ZFP36L1: variants seen among roughly 807,000 people sequenced by gnomAD.
ZFP36L1 encodes the protein mRNA decay activator protein ZFP36L1.
ZFP36L1 carries 4 observed loss-of-function variants against 16.7 expected under a neutral mutation model. That is an observed-to-expected ratio of 0.24 (90% CI 0.12 to 0.55). ZFP36L1 has a LOEUF of 0.55. Among genes scored for constraint, ZFP36L1 ranks in the 20% least tolerant of loss-of-function variants. The pLI is 0.94. For missense variants in ZFP36L1, 311 were observed against 449.2 expected, an observed-to-expected ratio of 0.69 and a Z score of 2.78; for synonymous variants, 220 against 190.8, an observed-to-expected ratio of 1.15 and a Z score of -1.26.
rs1244790000 is a variant in ZFP36L1, at chr14:68,789,324, A to C, written c.*209T>G. On this transcript the variant is annotated 3_prime_UTR_variant, in exon 2 of 2. Coordinates refer to ENST00000439696, the MANE Select transcript of ZFP36L1 (RefSeq NM_004926.4). The surrounding 1 kb of genome is among the most constrained non-coding windows in gnomAD (Gnocchi z 4.5). ...CAGGGAGGGGGTTTCAAGCCAGAAG[A>C]AGCTACTGACAAATTGACTTGTCCT... 4 of 637,442 alleles carry C rather than the reference A, an allele frequency of 6.3e-6. No individual in the cohort carries two copies. In the South Asian group the frequency reaches 7.6e-5, roughly 12 times the overall value. 39.5% of individuals were successfully genotyped at this position (637,442 alleles called of 1,614,324 possible).
chr14:68,792,771 T>C (rs547389771), intron 1 of ZFP36L1, 111 bp downstream of exon 1: 2 of 1,447,190 alleles, frequency 1.4e-6, no homozygotes, highest in Non-Finnish European at 1.9e-6. Context: ...AAAAGAATCA[T>C]CTCGCTGCAC....
At chr14:68,795,682 C>A (rs1432515416), upstream of ZFP36L1, 1 of 468,002 alleles carries the variant, frequency 2.1e-6, no homozygotes, top group Non-Finnish European at 4.4e-6. Context: ...TGCGACTGGC[C>A]TAGCCCGCTC....
In ZFP36L1 at chr14:68,788,291, G is replaced by A. The variant is rs1203414881; in HGVS notation, c.*1242C>T. On this transcript the variant is annotated 3_prime_UTR_variant, in exon 2 of 2. Transcript: ENST00000439696. ...TTAACATAAAAGAATATATTCTATGGATTTGTCATCCCGATAAATATGAAC... is the reference window on the plus strand; with the variant it reads ...TTAACATAAAAGAATATATTCTATGAATTTGTCATCCCGATAAATATGAAC... 2 of 152,216 alleles carry A rather than the reference G, an allele frequency of 1.3e-5. No homozygotes were observed. The highest frequency in any genetic ancestry group is 2.9e-5 in the Non-Finnish European group (2 of 67,994). 9.4% of individuals were successfully genotyped at this position (152,216 alleles called of 1,614,324 possible).
At chr14:68,793,501 ATGT>A (rs1313827944), upstream of ZFP36L1, 57 of 985,934 alleles carry the variant, frequency 5.8e-5, no homozygotes, top group Non-Finnish European at 6.5e-5. Context: ...TCTTGTTGTC[ATGT>A]TGTTGTTTTT....
At chr14:68,795,320 C>T (rs1323033908), upstream of ZFP36L1, among the ~76,000 whole-genome samples, 1 of 146,046 alleles carries the variant, frequency 6.8e-6, no homozygotes, top group Non-Finnish European at 1.5e-5. Flanking sequence ...CACCCCCCAC[C>T]CCCCCCAAAA....
chr14:68,790,381 G>A lies in ZFP36L1; in HGVS notation c.169C>T (p.Leu57=), dbSNP rs1566560081. 6 of 1,613,754 alleles carry A rather than the reference G, an allele frequency of 3.7e-6. No individual in the cohort carries two copies. In the South Asian group the frequency reaches 6.6e-5, roughly 18 times the overall value. Residue 57 remains leucine (L), a synonymous_variant, in exon 2 of 2, where the codon CTG becomes TTG. Coordinates refer to ENST00000439696, the MANE Select transcript of ZFP36L1 (RefSeq NM_004926.4). ...TTCTGGTGGAACTTGGAGCTGGGCA[G>A]GGTGACTGAGTGCCTCCGAGGGAAG... The part of the protein sequence containing the change: ...GGFPRRHSVT[L]PSSKFHQNQL...
chr14:68,793,701 C>G, upstream of ZFP36L1: 1 of 985,520 alleles, frequency 1.0e-6, no homozygotes. Flanking sequence ...ACCGGGCAGG[C>G]CGAGGACATT....
At chr14:68,792,486 A>T (rs1895113148) in intron 1 of ZFP36L1, among the ~76,000 whole-genome samples, 2 of 152,210 alleles carry the variant, frequency 1.3e-5, no homozygotes, top group East Asian at 1.9e-4. Flanking sequence ...ACGGGTGGGT[A>T]ATGCCGCTGG....
upstream of ZFP36L1, chr14:68,793,635 G>C: frequency 4.1e-6 from 4 of 985,718 alleles, no homozygotes; most frequent in South Asian, 1.9e-4. Flanking sequence ...TTCCCCAAGT[G>C]TCTGCACAAC....
chr14:68,792,830 TA>T, intron 1 of ZFP36L1, 51 bp downstream of exon 1: 1 of 1,612,152 alleles, frequency 6.2e-7, no homozygotes, highest in Non-Finnish European at 8.5e-7. Context: ...GGTTCTTTCT[TA>T]AGGCAAAAGA....
upstream of ZFP36L1, chr14:68,796,048 C>A (rs947455549): frequency 3.7e-6 from 5 of 1,337,390 alleles, no homozygotes; most frequent in African/African-American, 5.9e-5. Context: ...CTTACCCGCG[C>A]AGTCCCCAGG....
At chr14:68,791,199 C>T (rs1397484426) in intron 1 of ZFP36L1, 1 of 585,878 alleles carries the variant, frequency 1.7e-6, no homozygotes, top group African/African-American at 1.9e-5. Flanking sequence ...TCCACTCAGC[C>T]CTAGCCCACC....
At chr14:68,795,336 G>T (rs1243871935), upstream of ZFP36L1, among the ~76,000 whole-genome samples, 2 of 149,022 alleles carry the variant, frequency 1.3e-5, no homozygotes, top group African/African-American at 5.0e-5. Context: ...CAAAAAAGAG[G>T]CCGGCTGGTC....
upstream of ZFP36L1, chr14:68,793,255 AG>A: frequency 1.0e-6 from 1 of 989,602 alleles, no homozygotes; most frequent in South Asian, 4.1e-5. Context: ...AAAAGGAAGA[AG>A]GGGGAGGGGA....
chr14:68,795,467 G>A (rs1335835465), upstream of ZFP36L1, among the ~76,000 whole-genome samples: 1 of 152,236 alleles, frequency 6.6e-6, no homozygotes, highest in East Asian at 1.9e-4. Context: ...GCCTGTCCCC[G>A]CGGGGCACCG....
At chr14:68,792,535 G>A (rs566598457) in intron 1 of ZFP36L1, among the ~76,000 whole-genome samples, 1 of 152,198 alleles carries the variant, frequency 6.6e-6, no homozygotes, top group Non-Finnish European at 1.5e-5. Flanking sequence ...GATCAGACCA[G>A]CAAACCTGGG....
In ZFP36L1 at chr14:68,789,809, G is replaced by A; in HGVS notation, c.741C>T (p.Thr247=). 6.2e-7 allele frequency: 1 copy of A among 1,613,054 alleles called. No homozygotes were observed. The highest frequency in any genetic ancestry group is 8.5e-7 in the Non-Finnish European group (1 of 1,180,004). The change falls in exon 2 of 2, where the codon ACC becomes ACT. Residue 247 remains threonine (T), a synonymous_variant. Coordinates refer to ENST00000439696, the MANE Select transcript of ZFP36L1 (RefSeq NM_004926.4). This position sits in a 1 kb window ranked among gnomAD's most constrained non-coding sequence, Gnocchi z 4.5. ...LLGSPTLPDG[T]NNPFAFSSQE... is the part of the protein sequence containing the mutation. ...GGCTGGAGAAGGCAAAAGGGTTATT[G>A]GTGCCATCGGGCAGGGTAGGTGAGC...
chr14:68,793,464 C>A, upstream of ZFP36L1: 2 of 990,196 alleles, frequency 2.0e-6, no homozygotes, highest in Non-Finnish European at 2.4e-6. Flanking sequence ...GCGGCTGTGA[C>A]GTCACTCATT....
chr14:68,791,085 C>T (rs569257626), intron 1 of ZFP36L1: 101 of 701,570 alleles, frequency 1.4e-4, no homozygotes, highest in Non-Finnish European at 2.4e-4. Flanking sequence ...AGATTGGGGG[C>T]CTGGTCTGAG....
Sources: gnomAD v4.1 joint callset for allele counts (sites outside exome capture counted in the v4.1 genomes callset) on GRCh38, gnomAD v4.1.1 for gene constraint, Gnocchi (gnomAD v3.1) non-coding constraint, MANE v1.5 for transcripts, NCBI Gene and HGNC (gene_info 2026-07-23, HGNC 2026-07-21) for gene names.